Variants in PTPRD observed in about 807,000 individuals in gnomAD.
PTPRD encodes the protein receptor-type tyrosine-protein phosphatase delta.
Under a neutral mutation model 214.5 loss-of-function variants are expected in PTPRD, and 34 were observed. That is an observed-to-expected ratio of 0.16 (90% CI 0.12 to 0.21). PTPRD has a LOEUF of 0.21. Among genes scored for constraint, PTPRD ranks in the 10% least tolerant of loss-of-function variants. PTPRD has a pLI of 1.00. For missense variants in PTPRD, 2,545 were observed against 2,398.7 expected (o/e 1.06, Z -1.27); for synonymous variants, 1,128 against 845.7 (o/e 1.33, Z -5.79).
At chr9:9,909,879 A>G (rs955487313) in intron 5 of PTPRD, among the ~76,000 whole-genome samples, 1 of 151,780 alleles carries the variant, frequency 6.6e-6, no homozygotes, top group African/African-American at 2.4e-5. Flanking sequence ...AGCTAGCTGT[A>G]TATTTTTTTC....
intron 11 of PTPRD, among the ~76,000 whole-genome samples, chr9:8,991,218 C>CAA (rs575292337): frequency 1.9e-4 from 11 of 57,410 alleles, no homozygotes; most frequent in African/African-American, 5.1e-4. Context: ...CACTCTGTCT[C>CAA]AAAAAAAAAA....
At chr9:9,939,876 T>C (rs1230702956) in intron 4 of PTPRD, among the ~76,000 whole-genome samples, 2 of 152,216 alleles carry the variant, frequency 1.3e-5, no homozygotes, top group Non-Finnish European at 2.9e-5. Context: ...TCTCTCCTTG[T>C]AGCCCTTTTT....
chr9:8,506,007 G>A (rs1023398417), intron 22 of PTPRD, among the ~76,000 whole-genome samples: 1 of 152,154 alleles, frequency 6.6e-6, no homozygotes, highest in Non-Finnish European at 1.5e-5. Context: ...AACTTTTTGA[G>A]TGCTTGATTT....
chr9:9,534,644 T>A (rs749259083), intron 8 of PTPRD, among the ~76,000 whole-genome samples: 76 of 152,098 alleles, frequency 5.0e-4, no homozygotes, highest in Non-Finnish European at 1.0e-3. Context: ...GGAATAACGC[T>A]TTTTAAAGTT....
chr9:8,780,242 G>C (rs757880539), intron 11 of PTPRD, among the ~76,000 whole-genome samples: 2 of 152,118 alleles, frequency 1.3e-5, no homozygotes, highest in Non-Finnish European at 2.9e-5. Flanking sequence ...CCACCGCACA[G>C]GATTAGGCCA....
At position 8,341,949 on chromosome 9, in the gene PTPRD, A is replaced by C. The variant is rs2132526304; in HGVS notation, c.4691T>G (p.Ile1564Ser). ...SAGVGRTGCF[I>S]VIDAMLERIK... The stretch of plus-strand genomic sequence containing the variant: ...TCTTTCTAACATGGCATCTATGACG[A>C]TGAAGCAACCAGTCCGGCCAACTCC... The change falls in exon 40 of 46, where the codon ATC becomes AGC. Residue 1564 changes from isoleucine (I) to serine (S), a missense_variant. Transcript: ENST00000381196. 1 of 1,612,436 alleles carries C rather than the reference A, an allele frequency of 6.2e-7. No homozygotes were observed. The highest frequency in any genetic ancestry group is 1.1e-5 in the South Asian group (1 of 91,004).
intron 2 of PTPRD, among the ~76,000 whole-genome samples, chr9:10,388,333 T>C (rs538920586): frequency 1.3e-5 from 2 of 151,848 alleles, no homozygotes; most frequent in African/African-American, 4.8e-5. Flanking sequence ...ATAAAATGAT[T>C]AAAAAGAAAT....
chr9:9,039,005 C>T (rs324521), intron 10 of PTPRD, among the ~76,000 whole-genome samples: 148,763 of 152,206 alleles, frequency 0.98, 72,799 homozygotes, highest in Middle Eastern at 1. Context: ...TGGTGAGCAC[C>T]CCTATCTCCC....
Position 9,876,094 on chromosome 9 carries a change from C to T in PTPRD, c.-368+62413G>A, listed in dbSNP as rs112057175. 1.2e-3 allele frequency among the ~76,000 whole-genome samples: 186 copies of T among 152,094 alleles called. 1 individual carries two copies. Among genetic ancestry groups the T allele is most frequent in the African/African-American group, 4.1e-3 (171 of 41,502 alleles). On this transcript the variant is annotated intron_variant, in intron 5 of 45. Transcript: ENST00000381196. The stretch of plus-strand genomic sequence containing the variant: ...AAGGAAGGGAGGAAGATGGGCCATG[C>T]ATAGGCCAGTAAGAGATTGTGTTTT...
chr9:9,538,481 C>A (rs568398144), intron 8 of PTPRD, among the ~76,000 whole-genome samples: 1 of 151,958 alleles, frequency 6.6e-6, no homozygotes, highest in South Asian at 2.1e-4. Flanking sequence ...GGCTCTACAT[C>A]AAATCTCTGT....
At chr9:10,535,102 A>T (rs1002392681) in intron 2 of PTPRD, among the ~76,000 whole-genome samples, 7 of 152,130 alleles carry the variant, frequency 4.6e-5, no homozygotes, top group Non-Finnish European at 8.8e-5. Context: ...CCTGAATGTC[A>T]GGAACTGACT....
intron 2 of PTPRD, among the ~76,000 whole-genome samples, chr9:10,585,522 G>A (rs1445125551): frequency 6.6e-6 from 1 of 151,932 alleles, no homozygotes; most frequent in Non-Finnish European, 1.5e-5. Flanking sequence ...AGAATTTCAG[G>A]GCTGAAAATT....
At chr9:8,571,037 G>C (rs1333530410) in intron 14 of PTPRD, among the ~76,000 whole-genome samples, 1 of 151,916 alleles carries the variant, frequency 6.6e-6, no homozygotes, top group East Asian at 1.9e-4. Flanking sequence ...CTCTCACATG[G>C]CTTCCACTGA....
intron 10 of PTPRD, among the ~76,000 whole-genome samples, chr9:9,077,181 T>C (rs190350700): frequency 5.0e-4 from 75 of 151,104 alleles, no homozygotes; most frequent in Admixed American, 3.2e-3. Context: ...GTAGAGTTGG[T>C]TGAGCTCCTT....
At chr9:10,262,706 T>C (rs2093777849) in intron 3 of PTPRD, among the ~76,000 whole-genome samples, 1 of 152,224 alleles carries the variant, frequency 6.6e-6, no homozygotes, top group Non-Finnish European at 1.5e-5. Flanking sequence ...CTTATTTTTC[T>C]TATTGGTAAA....
intron 2 of PTPRD, among the ~76,000 whole-genome samples, chr9:10,376,742 G>C (rs1236208293): frequency 1.3e-5 from 2 of 151,726 alleles, no homozygotes; most frequent in African/African-American, 2.4e-5. Flanking sequence ...TGACTCTTTA[G>C]GTTATGTTTT....
intron 21 of PTPRD, among the ~76,000 whole-genome samples, chr9:8,515,307 T>A (rs1354982694): frequency 1.3e-5 from 2 of 152,210 alleles, no homozygotes. Context: ...CATGCAAAGT[T>A]CATAGTATAG....
rs1566625484 is a variant in PTPRD, at chr9:9,947,597, AT to A, written c.-471-8988del. 3.5e-3 allele frequency among the ~76,000 whole-genome samples: 145 copies of A among 41,760 alleles called. 9 individuals carry two copies. The South Asian group carries it at 0.067, about 19-fold the overall frequency. The allele number at this position is 41,760 out of a possible 152,430, so 27.4% of individuals were successfully genotyped here. On this transcript the variant is annotated intron_variant, in intron 4 of 45. Transcript: ENST00000381196. The stretch of plus-strand genomic sequence containing the variant: ...ATATTATATATATATTATATATATA[AT>A]ATATATATTTTATATATATATATTT...
At chr9:8,946,584 A>T (rs138675091) in intron 11 of PTPRD, among the ~76,000 whole-genome samples, 2 of 152,114 alleles carry the variant, frequency 1.3e-5, no homozygotes, top group Non-Finnish European at 2.9e-5. Flanking sequence ...ACACTCTTGC[A>T]TTCTTCTATC....
Sources: allele counts gnomAD v4.1 joint callset (sites outside exome capture counted in the v4.1 genomes callset), GRCh38; gene constraint gnomAD v4.1.1; transcripts MANE v1.5; gene names NCBI Gene and HGNC (gene_info 2026-07-23, HGNC 2026-07-21).